TRPC6: variants seen among roughly 807,000 people sequenced by gnomAD.
The protein encoded by TRPC6 is short transient receptor potential channel 6.
Under a neutral mutation model 90.7 loss-of-function variants are expected in TRPC6, and 55 were observed. The observed-to-expected ratio is 0.61, with a 90% confidence interval of 0.49 to 0.76. The LOEUF (loss-of-function observed/expected upper bound fraction) is 0.76, where lower values mean the gene tolerates loss of function less well. Ranked by LOEUF, TRPC6 falls within the 30% of genes least tolerant of loss-of-function variation. The pLI is 0.00. For synonymous variants in TRPC6, 393 were observed against 393.0 expected, an observed-to-expected ratio of 1.00 and a Z score of 0.00; for missense variants, 989 against 1,122.7, an observed-to-expected ratio of 0.88 and a Z score of 1.70.
At chr11:101,500,208 T>TTA (rs1860081683) in intron 2 of TRPC6, among the ~76,000 whole-genome samples, 3 of 113,766 alleles carry the variant, frequency 2.6e-5, no homozygotes, top group Admixed American at 2.5e-4. Flanking sequence ...TGTATTTTTT[T>TTA]TCTTTCTTTT....
At chr11:101,526,384 T>C (rs76829308) in intron 1 of TRPC6, among the ~76,000 whole-genome samples, 34,021 of 152,164 alleles carry the variant, frequency 0.22, 4,010 homozygotes, top group Middle Eastern at 0.26. Context: ...AGATACATGC[T>C]TTGAACTTAA....
chr11:101,546,357 C>CTAGTAT (rs1861307689), intron 1 of TRPC6, among the ~76,000 whole-genome samples: 1 of 65,530 alleles, frequency 1.5e-5, no homozygotes, highest in Non-Finnish European at 3.2e-5. Flanking sequence ...CAGGCGTGAG[C>CTAGTAT]CACCGCACCC....
chr11:101,577,362 C>T (rs1476077170), intron 1 of TRPC6, among the ~76,000 whole-genome samples: 1 of 152,030 alleles, frequency 6.6e-6, no homozygotes, highest in Non-Finnish European at 1.5e-5. Context: ...TTGGAAATAC[C>T]TCGTACTGCT....
chr11:101,528,339 A>G (rs577087580), intron 1 of TRPC6, among the ~76,000 whole-genome samples: 5 of 152,304 alleles, frequency 3.3e-5, no homozygotes, highest in Admixed American at 1.3e-4. Flanking sequence ...CAATACGGGA[A>G]GAGTTTTCAA....
Position 101,583,398 on chromosome 11 carries a change from A to T in TRPC6, c.106T>A (p.Ser36Thr). 6.3e-7 allele frequency: 1 copy of T among 1,588,958 alleles called. No individual in the cohort carries two copies. Among genetic ancestry groups the T allele is most frequent in the Non-Finnish European group, 8.6e-7 (1 of 1,167,588 alleles). ...GGGCAGCCGTCTTCTCCCAGCTCCG[A>T]GTCCATGAGCAGATAGTCCTGGCTC... ...NESQDYLLMDSELGEDGCPQA... is the reference protein window; with the variant it reads ...NESQDYLLMDTELGEDGCPQA... The change falls in exon 1 of 13, where the codon TCG becomes ACG. Residue 36 changes from serine to threonine, a missense_variant. Transcript: ENST00000344327.
chr11:101,497,396 G>A (rs558226057), intron 2 of TRPC6, among the ~76,000 whole-genome samples: 3 of 152,144 alleles, frequency 2.0e-5, no homozygotes, highest in African/African-American at 2.4e-5. Context: ...TTGTCCCAAC[G>A]AAAAGTACTT....
chr11:101,530,789 C>G (rs1042282020), intron 1 of TRPC6, among the ~76,000 whole-genome samples: 14 of 151,844 alleles, frequency 9.2e-5, no homozygotes, highest in Non-Finnish European at 1.3e-4. Context: ...GCCCTGGGAC[C>G]CAACAAAAGC....
intron 10 of TRPC6, among the ~76,000 whole-genome samples, chr11:101,467,226 T>C (rs182860840): frequency 6.6e-6 from 1 of 152,336 alleles, no homozygotes; most frequent in East Asian, 1.9e-4. Context: ...TTTTTCTAGA[T>C]ATGCCCATTT....
chr11:101,548,033 T>G (rs1431046324), intron 1 of TRPC6, among the ~76,000 whole-genome samples: 1 of 151,984 alleles, frequency 6.6e-6, no homozygotes, highest in Non-Finnish European at 1.5e-5. Flanking sequence ...TAAGATTCCT[T>G]AAGGTTATTG....
chr11:101,562,090 G>A (rs1861728153), intron 1 of TRPC6, among the ~76,000 whole-genome samples: 1 of 151,958 alleles, frequency 6.6e-6, no homozygotes, highest in African/African-American at 2.4e-5. Flanking sequence ...AATATCCTGG[G>A]AAACTAAAAA....
At chr11:101,461,548 G>A (rs141485165) in intron 10 of TRPC6, among the ~76,000 whole-genome samples, 1 of 152,136 alleles carries the variant, frequency 6.6e-6, no homozygotes, top group Non-Finnish European at 1.5e-5. Context: ...CTCCAGCCTG[G>A]GTGATAGAGA....
At chr11:101,470,817 C>G (rs1022795073) in intron 9 of TRPC6, among the ~76,000 whole-genome samples, 2 of 62,044 alleles carry the variant, frequency 3.2e-5, no homozygotes, top group Non-Finnish European at 2.7e-5. Flanking sequence ...GCCCCCCCCC[C>G]CTCCCCGAGT....
At chr11:101,464,155 A>G (rs1811697103) in intron 10 of TRPC6, among the ~76,000 whole-genome samples, 1 of 152,190 alleles carries the variant, frequency 6.6e-6, no homozygotes, top group Non-Finnish European at 1.5e-5. Flanking sequence ...GTGGTCTGAG[A>G]GACCATTTTT....
chr11:101,459,266 G>T (rs1432390414), intron 10 of TRPC6, among the ~76,000 whole-genome samples: 1 of 152,176 alleles, frequency 6.6e-6, no homozygotes, highest in Non-Finnish European at 1.5e-5. Flanking sequence ...AGAAGGCGGA[G>T]AAATCCTCTC....
Position 101,504,650 on chromosome 11 carries a change from C to G in TRPC6, c.319G>C (p.Glu107Gln), listed in dbSNP as rs1328216756. 1 of 1,607,716 alleles carries G rather than the reference C, an allele frequency of 6.2e-7. No homozygotes were observed. Among genetic ancestry groups the G allele is most frequent in the Non-Finnish European group, 8.5e-7 (1 of 1,175,822 alleles). Residue 107 changes from glutamate (E) to glutamine (Q), a missense_variant, in exon 2 of 13, where the codon GAA becomes CAA. By Grantham distance (29) the Glu-to-Gln change is conservative. Coordinates refer to ENST00000344327, the MANE Select transcript of TRPC6 (RefSeq NM_004621.6). ...IEEERFLDAAEYGNIPVVRKM... is the reference protein window; with the variant it reads ...IEEERFLDAAQYGNIPVVRKM... ...CGCACCACTGGGATGTTACCATATT[C>G]AGCTGCATCCAAAAAGCGTTCCTCC...
intron 1 of TRPC6, among the ~76,000 whole-genome samples, chr11:101,509,676 C>T (rs1860355004): frequency 6.6e-6 from 1 of 151,956 alleles, no homozygotes; most frequent in South Asian, 2.1e-4. Context: ...GGCTTTTGTA[C>T]CTATAACTTC....
At chr11:101,480,572 C>A (rs7118253) in intron 5 of TRPC6, among the ~76,000 whole-genome samples, 42,523 of 151,822 alleles carry the variant, frequency 0.28, 7,260 homozygotes, top group African/African-American at 0.48. Flanking sequence ...TTTTAAAATT[C>A]TTTACCCCTT....
At chr11:101,506,079 A>AT (rs1356533457) in intron 1 of TRPC6, among the ~76,000 whole-genome samples, 4 of 151,536 alleles carry the variant, frequency 2.6e-5, no homozygotes, top group East Asian at 1.9e-4. Flanking sequence ...TATAATGAAG[A>AT]TTTTTTCGTT....
chr11:101,483,409 G>A (rs566196069), intron 4 of TRPC6, among the ~76,000 whole-genome samples: 1 of 152,162 alleles, frequency 6.6e-6, no homozygotes, highest in South Asian at 2.1e-4. Context: ...TCTAATAAAG[G>A]ATATTTAAAT....
Sources: gnomAD v4.1 joint callset for allele counts (sites outside exome capture counted in the v4.1 genomes callset) on GRCh38, gnomAD v4.1.1 for gene constraint, MANE v1.5 for transcripts, NCBI Gene and HGNC (gene_info 2026-07-23, HGNC 2026-07-21) for gene names.